The following TNRC6A variants were observed in gnomAD, a reference collection of about 807,000 sequenced individuals.
TNRC6A encodes trinucleotide repeat containing adaptor 6A.
In TNRC6A, 44 loss-of-function variants were observed where a neutral mutation model predicts 221.2. The observed-to-expected ratio is 0.20, with a 90% CI of 0.16 to 0.26. The LOEUF (loss-of-function observed/expected upper bound fraction) is 0.26. Ranked by LOEUF, TNRC6A falls within the 10% of genes least tolerant of loss-of-function variation. The pLI, the probability that TNRC6A is intolerant of heterozygous loss-of-function variation, is 1.00. For synonymous variants in TNRC6A, 847 were observed against 838.5 expected, an observed-to-expected ratio of 1.01 and a Z score of -0.18; for missense variants, 2,199 against 2,404.4, an observed-to-expected ratio of 0.91 and a Z score of 1.79.
In TNRC6A at chr16:24,790,488, G is replaced by A. The variant is rs146782316; in HGVS notation, c.1846G>A (p.Glu616Lys). Reference protein sequence around the residue: ...QNTGTNLPSVEWNKLPSNQHS... With the variant: ...QNTGTNLPSVKWNKLPSNQHS... The stretch of plus-strand genomic sequence containing the variant: ...CACTGGCACTAATTTACCCAGCGTT[G>A]AGTGGAACAAACTGCCTAGCAATCA... Residue 616 changes from glutamate to lysine, a missense_variant, in exon 6 of 25, where the codon GAG (glutamate) becomes AAG (lysine). Transcript: ENST00000395799. 622 of 1,614,246 alleles carry A rather than the reference G, an allele frequency of 3.9e-4. 1 individual carries two copies. The highest frequency in any genetic ancestry group is 4.9e-4 in the Non-Finnish European group (581 of 1,180,038).
intron 2 of TNRC6A, among the ~76,000 whole-genome samples, chr16:24,735,225 G>A (rs1325312148): frequency 2.6e-5 from 4 of 152,192 alleles, no homozygotes; most frequent in Non-Finnish European, 5.9e-5. Flanking sequence ...GTTGCAGTGA[G>A]CCGAGATTGT....
intron 18 of TNRC6A, among the ~76,000 whole-genome samples, chr16:24,813,533 G>A (rs1319784307): frequency 1.3e-5 from 2 of 152,150 alleles, no homozygotes; most frequent in Non-Finnish European, 2.9e-5. Context: ...GGCCCTCTTG[G>A]GATGTTTTGA....
chr16:24,641,349 A>G (rs374235807), intron 2 of TNRC6A, among the ~76,000 whole-genome samples: 40 of 152,280 alleles, frequency 2.6e-4, no homozygotes, highest in African/African-American at 8.2e-4. Context: ...AGGAAAATCA[A>G]TGGCCACTTG....
rs896205553 is a variant in TNRC6A at position 24,696,327 on chromosome 16, G to A, written n.403-54399G>A. 1.0e-4 allele frequency among the ~76,000 whole-genome samples: 14 copies of A among 135,962 alleles called. No homozygotes were observed. The East Asian group carries it at 1.1e-3, about 11-fold the overall frequency. 89.2% of individuals were successfully genotyped at this position (135,962 alleles called of 152,430 possible). A position where few individuals can be genotyped will look rare whatever the true frequency, so the allele number is the denominator to read the frequency against. On this transcript the variant is annotated intron_variant and non_coding_transcript_variant, in intron 2 of 2. Transcript: ENST00000566108. ...CGCGCCACTGCACTCCAGCCTGAGC[G>A]ACAGAGTCAGACTCCATCTCAAAAA... is the stretch of plus-strand genomic sequence containing the variant.
Position 24,729,684 on chromosome 16 carries a change from T to TCGGTGTCGG in TNRC6A, c.-155_-154insTGTCGGCGG, listed in dbSNP as rs1276516599. 6.1e-4 allele frequency: 386 copies of TCGGTGTCGG among 630,230 alleles called. 2 individuals are homozygous for TCGGTGTCGG. Among genetic ancestry groups the TCGGTGTCGG allele is most frequent in the Middle Eastern group, 4.6e-3 (9 of 1,940 alleles). 39.0% of individuals were successfully genotyped at this position (630,230 alleles called of 1,614,324 possible). On this transcript the variant is annotated 5_prime_UTR_variant, in exon 1 of 25. Coordinates refer to ENST00000395799, the MANE Select transcript of TNRC6A (RefSeq NM_014494.4). ...TCTGGGGCCTGCGGCGGCGGCGGTG[T>TCGGTGTCGG]CGGCGGCGGCGGCGGCGGCGGCGGC...
intron 2 of TNRC6A, among the ~76,000 whole-genome samples, chr16:24,674,659 T>A (rs958115035): frequency 6.6e-6 from 1 of 151,506 alleles, no homozygotes; most frequent in Non-Finnish European, 1.5e-5. Flanking sequence ...GTAATTCTTT[T>A]AAATATTATT....
At chr16:24,745,795 T>TCC (rs4038329) in intron 2 of TNRC6A, among the ~76,000 whole-genome samples, 59 of 118,530 alleles carry the variant, frequency 5.0e-4, no homozygotes, top group African/African-American at 6.8e-4. Flanking sequence ...GTATGTACCA[T>TCC]CCCCCCCCCC....
At chr16:24,699,690 G>A (rs540172269) in intron 2 of TNRC6A, among the ~76,000 whole-genome samples, 78 of 149,668 alleles carry the variant, frequency 5.2e-4, no homozygotes, top group African/African-American at 1.9e-3. Flanking sequence ...CTGCACTCCG[G>A]CCCAGGCAAC....
chr16:24,641,541 G>C (rs1901953444), intron 2 of TNRC6A, among the ~76,000 whole-genome samples: 1 of 152,166 alleles, frequency 6.6e-6, no homozygotes. Flanking sequence ...AAAAGCTAGA[G>C]TAGAAATGAA....
intron 5 of TNRC6A, among the ~76,000 whole-genome samples, chr16:24,788,138 C>T (rs2058014787): frequency 6.6e-6 from 1 of 152,172 alleles, no homozygotes; most frequent in Non-Finnish European, 1.5e-5. Flanking sequence ...GGTAAAATAA[C>T]TAAATAGTAA....
At position 24,633,603 on chromosome 16, in the gene TNRC6A, C is replaced by G. The variant is rs146016145; in HGVS notation, n.277-7281C>G. Among the ~76,000 whole-genome samples, 463 of 152,198 alleles carry G rather than the reference C, an allele frequency of 3.0e-3. 5 individuals are homozygous for G. The highest frequency in any genetic ancestry group is 0.01 in the African/African-American group (419 of 41,524). The stretch of plus-strand genomic sequence containing the variant: ...AGAGTTGGGGTTTCACCATATTGGC[C>G]AGGCAGACCTCGAACTCCTGACCTC... On this transcript the variant is annotated intron_variant and non_coding_transcript_variant, in intron 1 of 2. Coordinates refer to the TNRC6A transcript ENST00000566108.
At chr16:24,701,124 A>G (rs2055965403) in intron 2 of TNRC6A, among the ~76,000 whole-genome samples, 1 of 152,252 alleles carries the variant, frequency 6.6e-6, no homozygotes, top group African/African-American at 2.4e-5. Context: ...TCCAGAGAGC[A>G]CGAGGCTCAA....
At position 24,711,333 on chromosome 16, in the gene TNRC6A, T is replaced by A. The variant is rs562476151; in HGVS notation, n.403-39393T>A. Among the ~76,000 whole-genome samples, 487 of 152,202 alleles carry A rather than the reference T, an allele frequency of 3.2e-3. 1 individual carries two copies. Among genetic ancestry groups the A allele is most frequent in the Non-Finnish European group, 5.8e-3 (397 of 68,000 alleles). ...CTCATCAGACTTTTTTTGAGGCAGC[T>A]TTATTGAGTCACATATTTAAAGTGT... On this transcript the variant is annotated intron_variant and non_coding_transcript_variant, in intron 2 of 2. Coordinates refer to the TNRC6A transcript ENST00000566108.
intron 2 of TNRC6A, among the ~76,000 whole-genome samples, chr16:24,671,986 AAGACATTT>A (rs1429790025): frequency 2.8e-4 from 42 of 152,366 alleles, no homozygotes; most frequent in African/African-American, 9.6e-4. Context: ...CAGTCATAAA[AAGACATTT>A]GAGGGACAGT....
intron 2 of TNRC6A, among the ~76,000 whole-genome samples, chr16:24,659,470 G>C (rs2054983849): frequency 6.6e-6 from 1 of 151,952 alleles, no homozygotes; most frequent in Admixed American, 6.6e-5. Context: ...AATTTTGTTG[G>C]TCTTGCTCTG....
intron 11 of TNRC6A, 88 bp downstream of exon 11, chr16:24,798,054 T>A: frequency 8.4e-7 from 1 of 1,196,914 alleles, no homozygotes; most frequent in Admixed American, 1.9e-5. Context: ...CTGACGTAGA[T>A]CAGGACAGGG....
At chr16:24,776,167 C>G (rs1184769918) in intron 4 of TNRC6A, 3 of 744,588 alleles carry the variant, frequency 4.0e-6, no homozygotes, top group Non-Finnish European at 4.9e-6. Context: ...ACTTCTCCAA[C>G]TGGGTTTACT....
At chr16:24,792,613 C>CTTTTTTTTTTTTTTTTTT (rs34670934) in intron 6 of TNRC6A, among the ~76,000 whole-genome samples, 1 of 56,514 alleles carries the variant, frequency 1.8e-5, no homozygotes, top group Non-Finnish European at 2.9e-5. Context: ...ACATTTATGG[C>CTTTTTTTTTTTTTTTTTT]TTTTTTTTTT....
chr16:24,638,143 C>T (rs891908337), intron 1 of TNRC6A, among the ~76,000 whole-genome samples: 2 of 152,188 alleles, frequency 1.3e-5, no homozygotes, highest in African/African-American at 2.4e-5. Flanking sequence ...AGCGGCCAGG[C>T]GCAGTGGCTC....
Sources: gnomAD v4.1 joint callset for allele counts (sites outside exome capture counted in the v4.1 genomes callset) on GRCh38, gnomAD v4.1.1 for gene constraint, MANE v1.5 for transcripts, NCBI Gene and HGNC (gene_info 2026-07-23, HGNC 2026-07-21) for gene names.